AGO1: variants seen among roughly 807,000 people sequenced by gnomAD.
AGO1 encodes protein argonaute-1.
Under a neutral mutation model 109.2 loss-of-function variants are expected in AGO1, and 11 were observed. That is an observed-to-expected ratio of 0.10 (90% CI 0.06 to 0.17). AGO1 has a LOEUF of 0.17. AGO1 is among the 10% of genes least tolerant of loss of function. The pLI, the probability that AGO1 is intolerant of heterozygous loss-of-function variation, is 1.00. For synonymous variants in AGO1, 422 were observed against 418.6 expected, an observed-to-expected ratio of 1.01 and a Z score of -0.10; for missense variants, 574 against 1,140.3, an observed-to-expected ratio of 0.50 and a Z score of 7.15.
Position 35,927,394 on chromosome 1 carries a change from C to T in AGO1, c.*7787C>T, listed in dbSNP as rs1249253610. 1 of 152,062 alleles carries T rather than the reference C, an allele frequency of 6.6e-6. No homozygotes were observed. Among genetic ancestry groups the T allele is most frequent in the Non-Finnish European group, 1.5e-5 (1 of 67,988 alleles). 9.4% of individuals were successfully genotyped at this position (152,062 alleles called of 1,614,324 possible). On this transcript the variant is annotated 3_prime_UTR_variant, in exon 19 of 19. Coordinates refer to ENST00000373204, the MANE Select transcript of AGO1 (RefSeq NM_012199.5). ...GACTCAGTTTCTTGAAATTTTTTTGCTCTGCCATCCTCCATGTTTATCCTC... is the reference window on the plus strand; with the variant it reads ...GACTCAGTTTCTTGAAATTTTTTTGTTCTGCCATCCTCCATGTTTATCCTC...
Position 35,888,597 on chromosome 1 carries a change from C to T in AGO1, c.196C>T (p.Arg66Cys). 2 of 1,614,162 alleles carry T rather than the reference C, an allele frequency of 1.2e-6. No homozygotes were observed. Among genetic ancestry groups the T allele is most frequent in the Non-Finnish European group, 8.5e-7 (1 of 1,180,028 alleles). Residue 66 changes from arginine to cysteine, a missense_variant, in exon 2 of 19, where the codon CGT becomes TGT. By Grantham distance (180) the Arg-to-Cys change is radical (BLOSUM62 -3). Coordinates refer to ENST00000373204, the MANE Select transcript of AGO1 (RefSeq NM_012199.5). This position sits in a 1 kb window ranked among gnomAD's most constrained non-coding sequence, Gnocchi z 4.1. ...GGACATCAAGCCGGATAAGTGTCCC[C>T]GTAGAGTCAACCGGTAAGTGATGCA... ...EVDIKPDKCP[R>C]RVNREVVEYM...
Position 35,917,720 on chromosome 1 carries a change from A to G in AGO1, c.2156A>G (p.Asn719Ser). ...HHTRLFCADKNERIGKSGNIP... is the reference protein window; with the variant it reads ...HHTRLFCADKSERIGKSGNIP... ...ACCCGCCTTTTCTGTGCTGACAAGA[A>G]TGAGCGAGTGAGTGAGGGACTGAGG... The change falls in exon 16 of 19, where the codon AAT becomes AGT. Residue 719 changes from asparagine (N) to serine (S), a missense_variant. Around this residue, in one of 8 missense-constraint regions of AGO1, gnomAD observed 62 missense variants for 192.0 expected, o/e 0.32. Transcript: ENST00000373204. The G allele has an allele frequency of 1.2e-6, 2 of 1,613,114 alleles. No homozygotes were observed. The highest frequency in any genetic ancestry group is 1.7e-6 in the Non-Finnish European group (2 of 1,179,212).
In AGO1 at chr1:35,883,525, A is replaced by G. The variant is rs918454440; in HGVS notation, c.25+79A>G. ...GCATGAAAAGCGTGGTTTCCAAGTG[A>G]TGGAAGCGCTCCTGAGTGAGGAGAA... is the stretch of plus-strand genomic sequence containing the variant. On this transcript the variant is annotated intron_variant, in intron 1 of 18. Transcript: ENST00000373204. This position sits in a 1 kb window ranked among gnomAD's most constrained non-coding sequence, Gnocchi z 5.4. 7.8e-5 allele frequency: 114 copies of G among 1,464,174 alleles called. No homozygotes were observed. Among genetic ancestry groups the G allele is most frequent in the Non-Finnish European group, 9.4e-5 (104 of 1,109,604 alleles). 90.7% of individuals were successfully genotyped at this position (1,464,174 alleles called of 1,614,324 possible). A position where few individuals can be genotyped will look rare whatever the true frequency, so the allele number is the denominator to read the frequency against.
Position 35,919,748 on chromosome 1 carries a change from G to C in AGO1, c.*141G>C, listed in dbSNP as rs150023314. 2.8e-6 allele frequency: 2 copies of C among 720,852 alleles called. No homozygotes were observed. The highest frequency in any genetic ancestry group is 4.5e-6 in the Non-Finnish European group (2 of 447,332). 44.7% of individuals were successfully genotyped at this position (720,852 alleles called of 1,614,324 possible). ...ATGCCTTGTTTCCTTCTATAGAGGT[G>C]GTGTAAGAGTGGGGAACAGGGCCAG... On this transcript the variant is annotated 3_prime_UTR_variant, in exon 19 of 19. Coordinates refer to ENST00000373204, the MANE Select transcript of AGO1 (RefSeq NM_012199.5). This position sits in a 1 kb window ranked among gnomAD's most constrained non-coding sequence, Gnocchi z 6.6.
chr1:35,883,451 GGGTCCCCAGGAGGGGGAAC>G lies in AGO1; in HGVS notation c.25+9_25+27del. ...AAGCGGGACCCTCGGGAGCAGGTAA[GGGTCCCCAGGAGGGGGAAC>G]GGTGCATGCTCCAAGGACTGGGGGA... On this transcript the variant is annotated splice_donor_region_variant and intron_variant, in intron 1 of 18. Transcript: ENST00000373204. This position sits in a 1 kb window ranked among gnomAD's most constrained non-coding sequence, Gnocchi z 5.4. The G allele has an allele frequency of 6.4e-7, 1 of 1,557,962 alleles. No homozygotes were observed. Among genetic ancestry groups the G allele is most frequent in the Non-Finnish European group, 8.6e-7 (1 of 1,157,756 alleles).
At position 35,922,631 on chromosome 1, in the gene AGO1, T is replaced by C. The variant is rs112770520; in HGVS notation, c.*3024T>C. 1.5e-4 allele frequency: 22 copies of C among 150,874 alleles called. No individual in the cohort carries two copies. The highest frequency in any genetic ancestry group is 3.8e-4 in the East Asian group (2 of 5,220). The allele number at this position is 150,874 out of a possible 1,614,324, so 9.3% of individuals were successfully genotyped here. On this transcript the variant is annotated 3_prime_UTR_variant, in exon 19 of 19. Coordinates refer to ENST00000373204, the MANE Select transcript of AGO1 (RefSeq NM_012199.5). The stretch of plus-strand genomic sequence containing the variant: ...GCCTGCCTGCCTGCCTGCCTGCCTG[T>C]CTGCCTATGTGATGATGAAATCTCT...
Position 35,924,401 on chromosome 1 carries a change from G to A in AGO1, c.*4794G>A, listed in dbSNP as rs770258663. 1 of 152,398 alleles carries A rather than the reference G, an allele frequency of 6.6e-6. No individual in the cohort carries two copies. The highest frequency in any genetic ancestry group is 1.5e-5 in the Non-Finnish European group (1 of 68,048). The allele number at this position is 152,398 out of a possible 1,614,324, so 9.4% of individuals were successfully genotyped here. On this transcript the variant is annotated 3_prime_UTR_variant, in exon 19 of 19. Coordinates refer to ENST00000373204, the MANE Select transcript of AGO1 (RefSeq NM_012199.5). The stretch of plus-strand genomic sequence containing the variant: ...TGAGAATAATACTGTAGATTGTTAT[G>A]CAGGAATACTTCACAGAGCCTTCAT...
In AGO1 at chr1:35,914,294, T is replaced by G; in HGVS notation, c.1833+20T>G. 1 of 1,601,780 alleles carries G rather than the reference T, an allele frequency of 6.2e-7. No individual in the cohort carries two copies. The highest frequency in any genetic ancestry group is 8.6e-7 in the Non-Finnish European group (1 of 1,168,912). ...ACAGCAGTGAGTGATATTCTGTAGC[T>G]GCCTCATAAGGTTCTCCTCTTCGCT... is the stretch of plus-strand genomic sequence containing the variant. On this transcript the variant is annotated intron_variant, in intron 14 of 18. Transcript: ENST00000373204.
chr1:35,910,164 G>A (rs944955934), intron 12 of AGO1, among the ~76,000 whole-genome samples: 2 of 145,924 alleles, frequency 1.4e-5, no homozygotes, highest in African/African-American at 5.0e-5. Context: ...AACTAAGCCA[G>A]CAGAAAAGAG....
intron 12 of AGO1, among the ~76,000 whole-genome samples, chr1:35,908,989 T>C (rs1645581664): frequency 6.6e-6 from 1 of 152,104 alleles, no homozygotes; most frequent in African/African-American, 2.4e-5. Context: ...CGCTAATTTT[T>C]ATATTTTTAG....
At chr1:35,914,364 C>T in intron 14 of AGO1, 90 bp downstream of exon 14, 1 of 1,029,880 alleles carries the variant, frequency 9.7e-7, no homozygotes, top group South Asian at 1.3e-5. Flanking sequence ...TCAGCTCTGG[C>T]TCTTGAGCCT....
chr1:35,907,973 G>C (rs1404541547), intron 12 of AGO1, among the ~76,000 whole-genome samples: 1 of 152,100 alleles, frequency 6.6e-6, no homozygotes, highest in African/African-American at 2.4e-5. Context: ...AAAAAATAAA[G>C]TTACCCAGTC....
At position 35,921,931 on chromosome 1, in the gene AGO1, G is replaced by A. The variant is rs1362408292; in HGVS notation, c.*2324G>A. On this transcript the variant is annotated 3_prime_UTR_variant, in exon 19 of 19. Coordinates refer to ENST00000373204, the MANE Select transcript of AGO1 (RefSeq NM_012199.5). ...TAACACTCCATCTGCCCTGTCCATT[G>A]CCTTCATATACAGTCTACTTCGTGT... 1.3e-5 allele frequency: 2 copies of A among 152,730 alleles called. No homozygotes were observed. 9.5% of individuals were successfully genotyped at this position (152,730 alleles called of 1,614,324 possible).
At chr1:35,894,450 T>C in intron 7 of AGO1, 48 bp downstream of exon 7, 1 of 1,581,148 alleles carries the variant, frequency 6.3e-7, no homozygotes, top group Non-Finnish European at 8.7e-7. Context: ...GGAGAAGGGC[T>C]GAGATTTAAA....
intron 1 of AGO1, among the ~76,000 whole-genome samples, chr1:35,875,504 C>G (rs1044531608): frequency 1.3e-5 from 2 of 152,226 alleles, no homozygotes; most frequent in African/African-American, 4.8e-5. Context: ...ACCTCCGCCT[C>G]CTGGGGTCAA....
intron 1 of AGO1, among the ~76,000 whole-genome samples, chr1:35,870,376 C>T (rs1170872763): frequency 1.3e-5 from 2 of 152,248 alleles, no homozygotes; most frequent in East Asian, 1.9e-4. Flanking sequence ...CTCCGCCTCC[C>T]AGGTTCACGC....
chr1:35,872,650 G>A (rs984817070), intron 1 of AGO1, among the ~76,000 whole-genome samples: 2 of 151,876 alleles, frequency 1.3e-5, no homozygotes, highest in African/African-American at 2.4e-5. Flanking sequence ...ATAGCTCACT[G>A]TAACCTCAAC....
At chr1:35,914,098 G>C in intron 13 of AGO1, 86 bp from the exon 14 acceptor site, 4 of 1,594,604 alleles carry the variant, frequency 2.5e-6, no homozygotes, top group Non-Finnish European at 2.6e-6. Context: ...TCAGACATAA[G>C]GGGGAGAAGA....
At chr1:35,913,618 A>G (rs1253140860) in intron 12 of AGO1, among the ~76,000 whole-genome samples, 1 of 151,898 alleles carries the variant, frequency 6.6e-6, no homozygotes, top group African/African-American at 2.4e-5. Flanking sequence ...TTCCCATTTT[A>G]TGCTGTTATT....
Sources: allele counts gnomAD v4.1 joint callset (sites outside exome capture counted in the v4.1 genomes callset), GRCh38; gene constraint gnomAD v4.1.1; regional missense constraint gnomAD v4.1.1; non-coding constraint Gnocchi (gnomAD v3.1); transcripts MANE v1.5; gene names NCBI Gene and HGNC (gene_info 2026-07-23, HGNC 2026-07-21).